Variants in CRLF1 observed in about 807,000 individuals in gnomAD.
CRLF1 encodes the protein cytokine receptor-like factor 1.
CRLF1 carries 36 observed loss-of-function variants against 48.9 expected under a neutral mutation model. The observed-to-expected ratio is 0.74, with a 90% confidence interval of 0.56 to 0.97. CRLF1 has a LOEUF of 0.97. Among genes scored for constraint, CRLF1 ranks in the 50% least tolerant of loss-of-function variants. The pLI is 0.00. For missense variants in CRLF1, 534 were observed against 575.1 expected (o/e 0.93, Z 0.73); for synonymous variants, 256 against 253.4 (o/e 1.01, Z -0.10).
At chr19:18,594,542 TC>T (rs1976104609) in intron 6 of CRLF1, 108 bp from the exon 7 acceptor site, 2 of 819,536 alleles carry the variant, frequency 2.4e-6, no homozygotes, top group East Asian at 7.8e-5. Context: ...TCGGGGAACC[TC>T]CCTCCCCGTT....
chr19:18,593,678 C>A (rs1271732502), intron 8 of CRLF1, 99 bp from the exon 9 acceptor site: 1 of 1,546,462 alleles, frequency 6.5e-7, no homozygotes, highest in Non-Finnish European at 8.7e-7. Flanking sequence ...GTCCCCACCG[C>A]TTCTGGCTGT....
chr19:18,599,814 G>A lies in CRLF1; in HGVS notation c.148C>T (p.Leu50Phe), dbSNP rs1256803841. The A allele has an allele frequency of 2.6e-6, 4 of 1,568,310 alleles. No homozygotes were observed. Among genetic ancestry groups the A allele is most frequent in the East Asian group, 2.3e-5 (1 of 44,112 alleles). ...GCCAGCAGGGAGGAGCCGATGAGAA[G>A]CGTGGGATCCTGGGGACTGATCACA... The part of the protein sequence containing the change: ...TAVISPQDPT[L>F]LIGSSLLATC... The change falls in exon 2 of 9, where the codon CTT becomes TTT. Residue 50 changes from leucine (L) to phenylalanine (F), a missense_variant. Coordinates refer to ENST00000392386, the MANE Select transcript of CRLF1 (RefSeq NM_004750.5).
At chr19:18,601,388 T>C (rs1976219592) in intron 1 of CRLF1, among the ~76,000 whole-genome samples, 1 of 152,134 alleles carries the variant, frequency 6.6e-6, no homozygotes, top group African/African-American at 2.4e-5. Flanking sequence ...GTGATTCTCC[T>C]GCGTCAGCCT....
At chr19:18,599,161 A>C in intron 2 of CRLF1, 1 of 963,892 alleles carries the variant, frequency 1.0e-6, no homozygotes, top group Non-Finnish European at 1.2e-6. Context: ...GCTGGAGTGC[A>C]ATGGTGCCAT....
chr19:18,593,306 C>T lies in CRLF1; in HGVS notation c.*260G>A, dbSNP rs1016017744. The T allele has an allele frequency of 3.0e-5, 16 of 542,270 alleles. No individual in the cohort carries two copies. Among genetic ancestry groups the T allele is most frequent in the African/African-American group, 2.3e-4 (12 of 52,744 alleles). The allele number at this position is 542,270 out of a possible 1,614,324, so 33.6% of individuals were successfully genotyped here. ...CCCTAGGTAATGGGGAGTAATGACT[C>T]CCCTTCTCACCCCCAGCCCTGGCAG... On this transcript the variant is annotated 3_prime_UTR_variant, in exon 9 of 9. Transcript: ENST00000392386.
intron 1 of CRLF1, among the ~76,000 whole-genome samples, chr19:18,603,117 TTCACAGGG>T (rs1976241145): frequency 6.6e-6 from 1 of 152,262 alleles, no homozygotes; most frequent in African/African-American, 2.4e-5. Flanking sequence ...CATCTATTCA[TTCACAGGG>T]TACCTATAGT....
chr19:18,598,334 G>A (rs1215626453), intron 4 of CRLF1, 98 bp downstream of exon 4: 23 of 1,375,948 alleles, frequency 1.7e-5, no homozygotes, highest in Admixed American at 4.0e-5. Flanking sequence ...GGGCAGGTGG[G>A]ACCCTAGGAA....
At position 18,596,927 on chromosome 19, in the gene CRLF1, T is replaced by G. The variant is rs147108114; in HGVS notation, c.820A>C (p.Ile274Leu). The G allele has an allele frequency of 5.0e-6, 8 of 1,613,892 alleles. No homozygotes were observed. The African/African-American group carries it at 8.0e-5, about 16-fold the overall frequency. Residue 274 changes from isoleucine to leucine, a missense_variant, in exon 5 of 9, where the codon ATC becomes CTC. Ile to Leu is a conservative substitution (Grantham distance 5). This residue lies in a region of CRLF1 where 528 missense variants were observed against 555.7 expected (regional missense o/e 0.95). Coordinates refer to ENST00000392386, the MANE Select transcript of CRLF1 (RefSeq NM_004750.5). ...KDFLFQAKYQ[I>L]RYRVEDSVDW... Reference sequence around the variant, plus strand: ...ACACTGTCCTCCACTCGGTAGCGGATCTGGTATTTGGCTTGAAAGAGGAAA... The same window carrying G: ...ACACTGTCCTCCACTCGGTAGCGGAGCTGGTATTTGGCTTGAAAGAGGAAA...
In CRLF1 at chr19:18,596,795, A is replaced by T. The variant is rs1231213537; in HGVS notation, c.856-5T>A. On this transcript the variant is annotated splice_polypyrimidine_tract_variant and splice_region_variant and intron_variant, in intron 5 of 8. Coordinates refer to ENST00000392386, the MANE Select transcript of CRLF1 (RefSeq NM_004750.5). ...GTTGCTCACATCGTCCACCACCTGG[A>T]CAGTGAGGACAAGGTCAGAGTAGAG... 1 of 1,613,806 alleles carries T rather than the reference A, an allele frequency of 6.2e-7. No individual in the cohort carries two copies. Among genetic ancestry groups the T allele is most frequent in the Admixed American group, 1.7e-5 (1 of 59,978 alleles).
At chr19:18,594,029 T>TGCGGGGGGC in intron 8 of CRLF1, 36 bp downstream of exon 8, 1 of 1,366,648 alleles carries the variant, frequency 7.3e-7, no homozygotes, top group Non-Finnish European at 1.0e-6. Context: ...GCCCTCCCCT[T>TGCGGGGGGC]GCTCCCTCCC....
At chr19:18,593,731 G>A (rs1414096585) in intron 8 of CRLF1, 152 bp from the exon 9 acceptor site, 1 of 1,511,072 alleles carries the variant, frequency 6.6e-7, no homozygotes, top group Non-Finnish European at 8.9e-7. Flanking sequence ...GCCTTGGCGA[G>A]GCTATCTGAG....
chr19:18,598,098 G>A (rs62137129), intron 4 of CRLF1, among the ~76,000 whole-genome samples: 45,015 of 152,002 alleles, frequency 0.3, 7,383 homozygotes, highest in Non-Finnish European at 0.37. Flanking sequence ...TCCAGGCCTC[G>A]GCTTCCTGGG....
In CRLF1 at chr19:18,606,362, C is replaced by A. The variant is rs2145339527; in HGVS notation, c.115+180G>T. Among the ~76,000 whole-genome samples, 1 of 151,388 alleles carries A rather than the reference C, an allele frequency of 6.6e-6. No homozygotes were observed. The highest frequency in any genetic ancestry group is 2.0e-4 in the East Asian group (1 of 5,062). On this transcript the variant is annotated intron_variant, in intron 1 of 8. Transcript: ENST00000392386. The surrounding 1 kb of genome is among the most constrained non-coding windows in gnomAD (Gnocchi z 4.8). The stretch of plus-strand genomic sequence containing the variant: ...GGGCGCGGAAGCAGGACTCTCTGGA[C>A]AGTGGACTGCGGCGCCGTGTGCCCC...
Position 18,606,451 on chromosome 19 carries a change from T to A in CRLF1, c.115+91A>T. The A allele has an allele frequency of 1.0e-6, 1 of 966,476 alleles. No individual in the cohort carries two copies. The highest frequency in any genetic ancestry group is 1.2e-6 in the Non-Finnish European group (1 of 801,744). The allele number at this position is 966,476 out of a possible 1,614,324, so 59.9% of individuals were successfully genotyped here. A position where few individuals can be genotyped will look rare whatever the true frequency, so the allele number is the denominator to read the frequency against. On this transcript the variant is annotated intron_variant, in intron 1 of 8. Coordinates refer to ENST00000392386, the MANE Select transcript of CRLF1 (RefSeq NM_004750.5). This position sits in a 1 kb window ranked among gnomAD's most constrained non-coding sequence, Gnocchi z 4.8. ...TTCCTTTGTTCCCCGGCCGTCCAGGTGGCGCCCGCGCCCCCTCCCCCCGCG... is the reference window on the plus strand; with the variant it reads ...TTCCTTTGTTCCCCGGCCGTCCAGGAGGCGCCCGCGCCCCCTCCCCCCGCG...
At chr19:18,603,316 C>T (rs1283217940) in intron 1 of CRLF1, among the ~76,000 whole-genome samples, 1 of 152,228 alleles carries the variant, frequency 6.6e-6, no homozygotes, top group Non-Finnish European at 1.5e-5. Flanking sequence ...CTTGGGAGGC[C>T]TGTCTGGGGA....
intron 2 of CRLF1, among the ~76,000 whole-genome samples, 163 bp downstream of exon 2, chr19:18,599,402 G>T (rs1475828632): frequency 6.6e-6 from 1 of 152,190 alleles, no homozygotes; most frequent in Admixed American, 6.5e-5. Flanking sequence ...CACCTTGCCC[G>T]ACCGGGTCTC....
Position 18,594,393 on chromosome 19 carries a change from C to G in CRLF1, c.1066G>C (p.Gly356Arg), listed in dbSNP as rs971982960. 6.3e-7 allele frequency: 1 copy of G among 1,581,198 alleles called. No individual in the cohort carries two copies. Among genetic ancestry groups the G allele is most frequent in the Admixed American group, 1.8e-5 (1 of 56,414 alleles). ...PGGGACEPRG[G>R]EPSSGPVRRE... The stretch of plus-strand genomic sequence containing the variant: ...CGCACCGGCCCCGAGCTCGGCTCTC[C>G]GCCCCGCGGTTCGCACGCCCCGCCG... Residue 356 changes from glycine to arginine, a missense_variant, in exon 7 of 9, where the codon GGA becomes CGA. Transcript: ENST00000392386.
chr19:18,603,993 G>A (rs1341581686), intron 1 of CRLF1, among the ~76,000 whole-genome samples: 6 of 152,188 alleles, frequency 3.9e-5, no homozygotes, highest in Admixed American at 6.5e-5. Flanking sequence ...GTGTGCCAGC[G>A]TCTCTGCCCC....
chr19:18,601,526 C>T (rs924942625), intron 1 of CRLF1, among the ~76,000 whole-genome samples: 1 of 152,164 alleles, frequency 6.6e-6, no homozygotes, highest in African/African-American at 2.4e-5. Flanking sequence ...CCGCCTGCCT[C>T]AGCCTCCCAA....
Sources: gnomAD v4.1 joint callset for allele counts (sites outside exome capture counted in the v4.1 genomes callset) on GRCh38, gnomAD v4.1.1 for gene constraint, gnomAD v4.1.1 regional missense constraint, Gnocchi (gnomAD v3.1) non-coding constraint, MANE v1.5 for transcripts, NCBI Gene and HGNC (gene_info 2026-07-23, HGNC 2026-07-21) for gene names.